The following CAMTA1 variants were observed in gnomAD, a reference collection of about 807,000 sequenced individuals.
CAMTA1 encodes the protein calmodulin binding transcription activator 1, also known as calmodulin-binding transcription activator 1.
A neutral mutation model predicts 170.9 loss-of-function variants in CAMTA1; 27 were observed. The ratio of observed to expected loss-of-function variants is 0.16; its 90% confidence interval spans 0.12 to 0.22. The LOEUF is 0.22. Ranked by LOEUF, CAMTA1 falls within the 10% of genes least tolerant of loss-of-function variation. The pLI is 1.00. For missense variants in CAMTA1, 1,619 were observed against 2,217.2 expected, an observed-to-expected ratio of 0.73 and a Z score of 5.42; for synonymous variants, 833 against 891.5, an observed-to-expected ratio of 0.93 and a Z score of 1.17.
chr1:7,556,473 A>G (rs1410082746), intron 6 of CAMTA1, among the ~76,000 whole-genome samples: 1 of 152,122 alleles, frequency 6.6e-6, no homozygotes, highest in African/African-American at 2.4e-5. Flanking sequence ...GCATGCTCTC[A>G]CCCTTGCAAA....
At position 7,604,450 on chromosome 1, in the gene CAMTA1, C is replaced by A. The variant is rs1193384828; in HGVS notation, c.511-35950C>A. Reference sequence around the variant, plus strand: ...TCATTTGATCTTCCATCACTGATACCCTTTCTTCCAGTTGATCGAATCAGC... The same window carrying A: ...TCATTTGATCTTCCATCACTGATACACTTTCTTCCAGTTGATCGAATCAGC... On this transcript the variant is annotated intron_variant, in intron 6 of 22. Coordinates refer to ENST00000303635, the MANE Select transcript of CAMTA1 (RefSeq NM_015215.4). Among the ~76,000 whole-genome samples the A allele has an allele frequency of 2.6e-5, 4 of 152,096 alleles. No homozygotes were observed. The East Asian group carries it at 7.7e-4, about 29-fold the overall frequency.
intron 6 of CAMTA1, among the ~76,000 whole-genome samples, chr1:7,500,697 A>G (rs140097105): frequency 3.3e-5 from 5 of 152,228 alleles, no homozygotes; most frequent in Admixed American, 2.0e-4. Flanking sequence ...CACGGCTCAA[A>G]GTCAGAGGCG....
At chr1:7,152,358 C>T (rs1403794824) in intron 4 of CAMTA1, among the ~76,000 whole-genome samples, 1 of 152,200 alleles carries the variant, frequency 6.6e-6, no homozygotes, top group Non-Finnish European at 1.5e-5. Context: ...ATAAGTCTCT[C>T]ATGTCTAGAC....
chr1:7,185,464 G>A (rs1653061668), intron 4 of CAMTA1, among the ~76,000 whole-genome samples: 3 of 152,178 alleles, frequency 2.0e-5, no homozygotes, highest in Admixed American at 2.0e-4. Flanking sequence ...TGTAATAATT[G>A]AGCGTCAAAA....
At chr1:7,025,957 A>T (rs1215645127) in intron 3 of CAMTA1, among the ~76,000 whole-genome samples, 6 of 152,084 alleles carry the variant, frequency 3.9e-5, no homozygotes, top group Non-Finnish European at 8.8e-5. Context: ...CTGTCTCTAC[A>T]GAAAATACAA....
chr1:6,875,896 T>C (rs1168952162), intron 3 of CAMTA1, among the ~76,000 whole-genome samples: 2 of 152,264 alleles, frequency 1.3e-5, no homozygotes, highest in African/African-American at 4.8e-5. Context: ...TGTGCACATA[T>C]GGATCTGTGC....
At position 7,492,091 on chromosome 1, in the gene CAMTA1, C is replaced by G. The variant is rs181357424; in HGVS notation, c.510+24190C>G. ...AACCTGTCTAGGATGGGACACGCTC[C>G]CACTAGGCTCAGGGTGCCCTCCCGT... On this transcript the variant is annotated intron_variant, in intron 6 of 22. Transcript: ENST00000303635. 7.2e-5 allele frequency among the ~76,000 whole-genome samples: 11 copies of G among 152,258 alleles called. No homozygotes were observed. The East Asian group carries it at 1.9e-3, about 27-fold the overall frequency.
chr1:7,661,665 C>T, intron 7 of CAMTA1, 61 bp from the exon 8 acceptor site: 1 of 1,596,674 alleles, frequency 6.3e-7, no homozygotes, highest in Admixed American at 1.7e-5. Flanking sequence ...ACCCCTTGGC[C>T]CCACCCAGGT....
rs4908590 is a variant in CAMTA1 at position 7,050,274 on chromosome 1, C to A, written c.235-41030C>A. Among the ~76,000 whole-genome samples the A allele has an allele frequency of 0.59, 89,274 of 151,876 alleles. 26,568 individuals are homozygous for A. Among genetic ancestry groups the A allele is most frequent in the African/African-American group, 0.68 (27,951 of 41,404 alleles). On this transcript the variant is annotated intron_variant, in intron 3 of 22. Transcript: ENST00000303635. This position sits in a 1 kb window ranked among gnomAD's most constrained non-coding sequence, Gnocchi z 4.8. Reference sequence around the variant, plus strand: ...GTAGGACCACAGCCTCCTTGTCTTGCCTTCCTGGGGAGATGGGGCAGGAAG... The same window carrying A: ...GTAGGACCACAGCCTCCTTGTCTTGACTTCCTGGGGAGATGGGGCAGGAAG...
chr1:7,096,550 T>C (rs550147993), intron 4 of CAMTA1, among the ~76,000 whole-genome samples: 18 of 152,328 alleles, frequency 1.2e-4, no homozygotes, highest in African/African-American at 4.3e-4. Flanking sequence ...TCCCTGGTTC[T>C]AGAAGAGCCA....
Position 7,089,701 on chromosome 1 carries a change from A to G in CAMTA1, c.235-1603A>G, listed in dbSNP as rs528914433. Among the ~76,000 whole-genome samples, 7 of 152,264 alleles carry G rather than the reference A, an allele frequency of 4.6e-5. No individual in the cohort carries two copies. In the South Asian group the frequency reaches 1.5e-3, roughly 32 times the overall value. Reference sequence around the variant, plus strand: ...ACGTGTTCCTTATCCTTCTCATGCTACAGTGGGGGATGTTATCTGAGTAAA... The same window carrying G: ...ACGTGTTCCTTATCCTTCTCATGCTGCAGTGGGGGATGTTATCTGAGTAAA... On this transcript the variant is annotated intron_variant, in intron 3 of 22. Transcript: ENST00000303635.
intron 11 of CAMTA1, among the ~76,000 whole-genome samples, chr1:7,715,920 C>T (rs750105412): frequency 3.9e-5 from 6 of 152,120 alleles, no homozygotes; most frequent in African/African-American, 9.7e-5. Context: ...CCCTGTACTT[C>T]CCTTGGGGAA....
At chr1:6,949,948 G>A (rs1255740541) in intron 3 of CAMTA1, among the ~76,000 whole-genome samples, 1 of 152,228 alleles carries the variant, frequency 6.6e-6, no homozygotes, top group African/African-American at 2.4e-5. Context: ...ACTCAGATGC[G>A]TGGGTCATGC....
chr1:7,191,200 T>G (rs1018248308), intron 4 of CAMTA1, among the ~76,000 whole-genome samples: 6 of 152,228 alleles, frequency 3.9e-5, no homozygotes, highest in African/African-American at 1.4e-4. Context: ...TGGTGCTGTG[T>G]TTCTTTTTAA....
At chr1:6,785,644 C>T in intron 1 of CAMTA1, 69 bp downstream of exon 1, 5 of 893,886 alleles carry the variant, frequency 5.6e-6, no homozygotes, top group Non-Finnish European at 6.7e-6. Flanking sequence ...CGCCGGACAT[C>T]CCGGGCATCG....
In CAMTA1 at chr1:7,634,385, G is replaced by T. The variant is rs1214908479; in HGVS notation, c.511-6015G>T. 6.6e-6 allele frequency among the ~76,000 whole-genome samples: 1 copy of T among 152,106 alleles called. No individual in the cohort carries two copies. Among genetic ancestry groups the T allele is most frequent in the Non-Finnish European group, 1.5e-5 (1 of 68,002 alleles). On this transcript the variant is annotated intron_variant, in intron 6 of 22. Coordinates refer to ENST00000303635, the MANE Select transcript of CAMTA1 (RefSeq NM_015215.4). This position sits in a 1 kb window ranked among gnomAD's most constrained non-coding sequence, Gnocchi z 6.2. ...GCTGTGGGAAGCCTGGAGGGGCCAAGGGTGCTGAGCAGGAGGTCGGGAGGC... is the reference window on the plus strand; with the variant it reads ...GCTGTGGGAAGCCTGGAGGGGCCAATGGTGCTGAGCAGGAGGTCGGGAGGC...
chr1:7,250,840 T>C (rs961407672), intron 5 of CAMTA1, among the ~76,000 whole-genome samples: 7 of 152,210 alleles, frequency 4.6e-5, no homozygotes, highest in Non-Finnish European at 8.8e-5. Flanking sequence ...GTTTGCACAG[T>C]GTGGTTTAAT....
At chr1:7,629,870 G>A (rs78623558) in intron 6 of CAMTA1, among the ~76,000 whole-genome samples, 22 of 142,970 alleles carry the variant, frequency 1.5e-4, no homozygotes, top group East Asian at 5.8e-4. Context: ...GTCCTCTCTC[G>A]GGGGGCCTGG....
chr1:7,413,474 C>T (rs1338316355), intron 5 of CAMTA1, among the ~76,000 whole-genome samples: 3 of 152,146 alleles, frequency 2.0e-5, no homozygotes, highest in African/African-American at 7.2e-5. Flanking sequence ...TCCTTCATGT[C>T]CCTTGTAAGT....
Sources: allele counts gnomAD v4.1 joint callset (sites outside exome capture counted in the v4.1 genomes callset), GRCh38; gene constraint gnomAD v4.1.1; non-coding constraint Gnocchi (gnomAD v3.1); transcripts MANE v1.5; gene names NCBI Gene and HGNC (gene_info 2026-07-23, HGNC 2026-07-21).